SCAF1: variants seen among roughly 807,000 people sequenced by gnomAD.
SCAF1 encodes the protein splicing factor, arginine/serine-rich 19.
SCAF1 carries 28 observed loss-of-function variants against 91.2 expected under a neutral mutation model. The observed-to-expected ratio is 0.31, with a 90% CI of 0.23 to 0.42. The LOEUF (loss-of-function observed/expected upper bound fraction) is 0.42, where lower values mean the gene tolerates loss of function less well. SCAF1 is among the 10% of genes least tolerant of loss of function. SCAF1 has a pLI of 1.00. For synonymous variants in SCAF1, 1,036 were observed against 833.7 expected, an observed-to-expected ratio of 1.24 and a Z score of -4.18; for missense variants, 1,893 against 1,872.1, an observed-to-expected ratio of 1.01 and a Z score of -0.21.
chr19:49,658,068 ATCG>A, intron 10 of SCAF1, 137 bp from the exon 11 acceptor site: 1 of 1,210,360 alleles, frequency 8.3e-7, no homozygotes, highest in Non-Finnish European at 1.2e-6. Flanking sequence ...TGGGGCACCC[ATCG>A]TCTAGGGGGA....
At chr19:49,654,299 G>A (rs76887196) in intron 7 of SCAF1, 50 bp from the exon 8 acceptor site, 23 of 1,536,476 alleles carry the variant, frequency 1.5e-5, no homozygotes, top group Non-Finnish European at 2.1e-5. Context: ...ACCAGCTCCT[G>A]TCCTGTCACC....
intron 6 of SCAF1, among the ~76,000 whole-genome samples, chr19:49,647,591 G>A (rs1018336903): frequency 5.9e-5 from 9 of 152,196 alleles, no homozygotes; most frequent in African/African-American, 1.9e-4. Flanking sequence ...TGTGAGCCGT[G>A]AGCACCAGTT....
chr19:49,650,916 C>T lies in SCAF1; in HGVS notation c.527C>T (p.Thr176Ile), dbSNP rs751143879. 6.2e-7 allele frequency: 1 copy of T among 1,609,802 alleles called. No homozygotes were observed. The highest frequency in any genetic ancestry group is 1.7e-5 in the Admixed American group (1 of 59,598). ...AGGCCCACCTGTGCCCGTCACCTCA[C>T]CTTGGGCACGGGAGACGGGGGCCCT... ...SSRPTCARHL[T>I]LGTGDGGPAP... is the part of the protein sequence containing the mutation. The change falls in exon 7 of 11, where the codon ACC becomes ATC. Residue 176 changes from threonine (T) to isoleucine (I), a missense_variant. Thr to Ile is a moderately conservative substitution (Grantham distance 89, BLOSUM62 -1). Coordinates refer to ENST00000360565, the MANE Select transcript of SCAF1 (RefSeq NM_021228.3).
In SCAF1 at chr19:49,652,039, G is replaced by C. The variant is rs1227519904; in HGVS notation, c.1650G>C (p.Trp550Cys). Residue 550 changes from tryptophan to cysteine, a missense_variant, in exon 7 of 11, where the codon TGG (tryptophan) becomes TGC (cysteine). Coordinates refer to ENST00000360565, the MANE Select transcript of SCAF1 (RefSeq NM_021228.3). The stretch of plus-strand genomic sequence containing the variant: ...CGCCGCCCGCCCCGGCCTCGCCCTG[G>C]GACTCCAAGAAGCACCGCTCGCGGG... Reference protein sequence around the residue: ...QPAPPAPASPWDSKKHRSRDR... With the variant: ...QPAPPAPASPCDSKKHRSRDR... 1.6e-6 allele frequency: 2 copies of C among 1,234,906 alleles called. No individual in the cohort carries two copies. The highest frequency in any genetic ancestry group is 1.7e-5 in the African/African-American group (1 of 59,256). The allele number at this position is 1,234,906 out of a possible 1,614,324, so 76.5% of individuals were successfully genotyped here. A position where few individuals can be genotyped will look rare whatever the true frequency, so the allele number is the denominator to read the frequency against.
At position 49,645,330 on chromosome 19, in the gene SCAF1, C is replaced by G. The variant is rs1469866807; in HGVS notation, c.109-24C>G. 6.2e-7 allele frequency: 1 copy of G among 1,613,660 alleles called. No individual in the cohort carries two copies. ...AAGCATCTGCCTGGGTCCTCTGACG[C>G]TTGGTTCTTCCCCCCTTCCCCAGCG... On this transcript the variant is annotated intron_variant, in intron 2 of 10. Transcript: ENST00000360565. This position sits in a 1 kb window ranked among gnomAD's most constrained non-coding sequence, Gnocchi z 4.6.
chr19:49,658,131 C>T lies in SCAF1; in HGVS notation c.3748-77C>T. On this transcript the variant is annotated intron_variant, in intron 10 of 10. Coordinates refer to ENST00000360565, the MANE Select transcript of SCAF1 (RefSeq NM_021228.3). Reference sequence around the variant, plus strand: ...GGGGAAGCTCCTCCTACCGCAGTTCCAAGCTGCGCCCAACAGTCCTGGGTG... The same window carrying T: ...GGGGAAGCTCCTCCTACCGCAGTTCTAAGCTGCGCCCAACAGTCCTGGGTG... 6 of 1,479,510 alleles carry T rather than the reference C, an allele frequency of 4.1e-6. No individual in the cohort carries two copies. In the South Asian group the frequency reaches 6.3e-5, roughly 15 times the overall value. 91.6% of individuals were successfully genotyped at this position (1,479,510 alleles called of 1,614,324 possible).
In SCAF1 at chr19:49,652,311, A is replaced by C; in HGVS notation, c.1922A>C (p.Lys641Thr). The change falls in exon 7 of 11, where the codon AAG (lysine) becomes ACG (threonine). Residue 641 changes from lysine to threonine, a missense_variant. Around this residue, in one of 5 missense-constraint regions of SCAF1, gnomAD observed 1,436 missense variants for 1,306.8 expected, o/e 1.10. Transcript: ENST00000360565. ...RGKHRDGGGS[K>T]KKKKRSRSRG... ...AAACACCGGGACGGTGGCGGCAGCA[A>C]GAAGAAGAAGAAGCGGTCGCGGTCC... The C allele has an allele frequency of 6.7e-7, 1 of 1,482,350 alleles. No homozygotes were observed. The highest frequency in any genetic ancestry group is 1.3e-5 in the South Asian group (1 of 76,654). The allele number at this position is 1,482,350 out of a possible 1,614,324, so 91.8% of individuals were successfully genotyped here. A position where few individuals can be genotyped will look rare whatever the true frequency, so the allele number is the denominator to read the frequency against.
chr19:49,657,981 C>T (rs911778944), intron 10 of SCAF1, 92 bp downstream of exon 10: 59 of 1,487,980 alleles, frequency 4.0e-5, no homozygotes, highest in East Asian at 1.4e-4. Context: ...GGATGGGAGA[C>T]GGGGAGGAGG....
chr19:49,652,948 TGCC>T lies in SCAF1; in HGVS notation c.2562_2564del (p.Ala855del), dbSNP rs1419306594. ...TCAGCAGCACCACCCCGGCCAAGGATGCCGCGTCAGCCGGCCTGGGCTCCATTG... is the reference window on the plus strand; with the variant it reads ...TCAGCAGCACCACCCCGGCCAAGGATGCGTCAGCCGGCCTGGGCTCCATTG... On this transcript the variant is annotated inframe_deletion, in exon 7 of 11. Transcript: ENST00000360565. 1.2e-6 allele frequency: 2 copies of T among 1,613,736 alleles called. No individual in the cohort carries two copies. The highest frequency in any genetic ancestry group is 1.7e-6 in the Non-Finnish European group (2 of 1,179,956).
In SCAF1 at chr19:49,646,043, C is replaced by G. The variant is rs2081052782; in HGVS notation, c.167-65C>G. On this transcript the variant is annotated intron_variant, in intron 3 of 10. Coordinates refer to ENST00000360565, the MANE Select transcript of SCAF1 (RefSeq NM_021228.3). This position sits in a 1 kb window ranked among gnomAD's most constrained non-coding sequence, Gnocchi z 5.6. ...AGGAACTAGATCAAGCTCCTCTTTC[C>G]TCTACCCCGCAAGTCTCTGCAGCAA... 2.7e-6 allele frequency: 4 copies of G among 1,457,630 alleles called. No individual in the cohort carries two copies. Among genetic ancestry groups the G allele is most frequent in the Non-Finnish European group, 3.8e-6 (4 of 1,043,680 alleles). The allele number at this position is 1,457,630 out of a possible 1,614,324, so 90.3% of individuals were successfully genotyped here.
At chr19:49,658,034 C>T (rs2081155244) in intron 10 of SCAF1, 145 bp downstream of exon 10, 1 of 1,295,406 alleles carries the variant, frequency 7.7e-7, no homozygotes, top group South Asian at 1.5e-5. Context: ...TTCTCAAGGC[C>T]ACCTGGGCCT....
At chr19:49,644,866 C>T in intron 1 of SCAF1, 155 bp from the exon 2 acceptor site, 1 of 607,474 alleles carries the variant, frequency 1.6e-6, no homozygotes, top group Non-Finnish European at 2.9e-6. Context: ...CCCACCCAAG[C>T]ACAGGGTGGA....
intron 7 of SCAF1, 90 bp downstream of exon 7, chr19:49,653,795 G>A (rs1414039504): frequency 4.0e-6 from 5 of 1,260,320 alleles, no homozygotes; most frequent in Non-Finnish European, 5.3e-6. Flanking sequence ...GGGGTGCCCT[G>A]GCAGGGAGAG....
rs577580894 is a variant in SCAF1, at chr19:49,647,589, G to A, written c.478+759G>A. The stretch of plus-strand genomic sequence containing the variant: ...CAGCTATGGGCACCAGCTGTGAGCC[G>A]TGAGCACCAGTTCTGTGGTAGAGCA... On this transcript the variant is annotated intron_variant, in intron 6 of 10. Coordinates refer to ENST00000360565, the MANE Select transcript of SCAF1 (RefSeq NM_021228.3). 1.8e-4 allele frequency among the ~76,000 whole-genome samples: 27 copies of A among 152,310 alleles called. No homozygotes were observed. The South Asian group carries it at 5.4e-3, about 30-fold the overall frequency.
rs1197666388 is a variant in SCAF1, at chr19:49,653,563, C to T, written c.3174C>T (p.Ala1058=). 1.3e-6 allele frequency: 2 copies of T among 1,587,768 alleles called. No individual in the cohort carries two copies. Among genetic ancestry groups the T allele is most frequent in the South Asian group, 1.1e-5 (1 of 88,508 alleles). The change falls in exon 7 of 11, where the codon GCC becomes GCT. Residue 1058 remains alanine, a synonymous_variant. Coordinates refer to ENST00000360565, the MANE Select transcript of SCAF1 (RefSeq NM_021228.3). Reference sequence around the variant, plus strand: ...CTGCTGCAGCCGCCCCAAGCACTGCCCCCAGCGCGGGGTCCACAGCCGGTG... The same window carrying T: ...CTGCTGCAGCCGCCCCAAGCACTGCTCCCAGCGCGGGGTCCACAGCCGGTG... The part of the protein sequence containing the change: ...TSTAAAAPST[A]PSAGSTAGDS...
In SCAF1 at chr19:49,646,222, TG is replaced by T; in HGVS notation, c.261+25del. On this transcript the variant is annotated intron_variant, in intron 4 of 10. Coordinates refer to ENST00000360565, the MANE Select transcript of SCAF1 (RefSeq NM_021228.3). The surrounding 1 kb of genome is among the most constrained non-coding windows in gnomAD (Gnocchi z 5.6). ...GCTACTGTGAGTAAGAAGAGGGGGC[TG>T]GGGGCCTGGCTCACGGGTATCAGGG... 2.3e-6 allele frequency: 3 copies of T among 1,279,652 alleles called. No individual in the cohort carries two copies. The highest frequency in any genetic ancestry group is 1.0e-6 in the Non-Finnish European group (1 of 985,188). 79.3% of individuals were successfully genotyped at this position (1,279,652 alleles called of 1,614,324 possible).
rs2081033768 is a variant in SCAF1, at chr19:49,642,645, C to T, written c.-7+403C>T. On this transcript the variant is annotated intron_variant, in intron 1 of 10. Transcript: ENST00000360565. The surrounding 1 kb of genome is among the most constrained non-coding windows in gnomAD (Gnocchi z 4.0). ...CATCTTGAGATCTTGAGATATGTCC[C>T]AGGGGTGAAGGAGGGTCTGCAAGAC... is the stretch of plus-strand genomic sequence containing the variant. 1 of 152,214 alleles carries T rather than the reference C, an allele frequency of 6.6e-6. No individual in the cohort carries two copies. The highest frequency in any genetic ancestry group is 2.4e-5 in the African/African-American group (1 of 41,422). 9.4% of individuals were successfully genotyped at this position (152,214 alleles called of 1,614,324 possible). A position where few individuals can be genotyped will look rare whatever the true frequency, so the allele number is the denominator to read the frequency against.
At chr19:49,649,348 A>C (rs2081072721) in intron 6 of SCAF1, among the ~76,000 whole-genome samples, 1 of 152,192 alleles carries the variant, frequency 6.6e-6, no homozygotes, top group South Asian at 2.1e-4. Flanking sequence ...GACTGTCCTC[A>C]CCCAGCAGCA....
At chr19:49,644,940 C>T (rs958526641) in intron 1 of SCAF1, 81 bp from the exon 2 acceptor site, 1 of 954,890 alleles carries the variant, frequency 1.0e-6, no homozygotes, top group Admixed American at 2.1e-5. Context: ...GTGTGGGGCC[C>T]TTGAGGTCTT....
Sources: gnomAD v4.1 joint callset for allele counts (sites outside exome capture counted in the v4.1 genomes callset) on GRCh38, gnomAD v4.1.1 for gene constraint, gnomAD v4.1.1 regional missense constraint, Gnocchi (gnomAD v3.1) non-coding constraint, MANE v1.5 for transcripts, NCBI Gene and HGNC (gene_info 2026-07-23, HGNC 2026-07-21) for gene names.